GPR89B: variants seen among roughly 807,000 people sequenced by gnomAD.
GPR89B encodes the protein G protein-coupled receptor 89B.
Under a neutral mutation model 52.4 loss-of-function variants are expected in GPR89B, and 25 were observed. That is an observed-to-expected ratio of 0.48 (90% confidence interval 0.35 to 0.67). GPR89B has a LOEUF of 0.67. GPR89B is among the 30% of genes least tolerant of loss of function. The pLI, the probability that GPR89B is intolerant of heterozygous loss-of-function variation, is 0.01. For synonymous variants in GPR89B, 52 were observed against 151.2 expected (o/e 0.34, Z 4.81); for missense variants, 146 against 450.2 (o/e 0.32, Z 6.11).
downstream of GPR89B, among the ~76,000 whole-genome samples, chr1:147,997,994 C>G (rs1184441728): frequency 1.1e-4 from 16 of 152,210 alleles, no homozygotes; most frequent in African/African-American, 3.9e-4. Flanking sequence ...TAATTCATAT[C>G]AACTCCCAGC....
At chr1:148,012,501 T>TC in the GPR89B span, among the ~76,000 whole-genome samples, 33,016 of 108,680 alleles carry the variant, frequency 0.3, 3,515 homozygotes, top group East Asian at 0.48. Flanking sequence ...CCCGCCCCAC[T>TC]CCCCCACCCC....
At chr1:147,936,491 A>G (rs1392695827) in intron 1 of GPR89B, 136 bp from the exon 2 acceptor site, 3 of 684,256 alleles carry the variant, frequency 4.4e-6, no homozygotes, top group African/African-American at 1.8e-5. Flanking sequence ...AGTAGGTCTT[A>G]TAAGAGTGGA....
chr1:147,975,473 C>CT (rs1475852286), intron 10 of GPR89B, among the ~76,000 whole-genome samples: 1 of 151,316 alleles, frequency 6.6e-6, no homozygotes, highest in Admixed American at 6.6e-5. Flanking sequence ...ATAGTATTCT[C>CT]TGATGGTTAT....
chr1:147,935,486 AC>A (rs1553247713), intron 1 of GPR89B, among the ~76,000 whole-genome samples: 1 of 152,222 alleles, frequency 6.6e-6, no homozygotes, highest in African/African-American at 2.4e-5. Flanking sequence ...TTTACTACAG[AC>A]CAGCTTTGTC....
chr1:148,004,354 A>T, the GPR89B span, among the ~76,000 whole-genome samples: 1 of 148,054 alleles, frequency 6.8e-6, no homozygotes, highest in Admixed American at 6.7e-5. Context: ...TTTAGTAGAG[A>T]CGGTGTTTCA....
chr1:147,993,067 A>C lies in GPR89B; in HGVS notation c.*150A>C, dbSNP rs1239703369. 6.3e-7 allele frequency: 1 copy of C among 1,582,194 alleles called. No homozygotes were observed. The highest frequency in any genetic ancestry group is 1.3e-5 in the African/African-American group (1 of 74,122). Reference sequence around the variant, plus strand: ...CTTCATAGCATACTCCTTCCCCCTCAGGTGATACTATGACCATGAGTAGCA... The same window carrying C: ...CTTCATAGCATACTCCTTCCCCCTCCGGTGATACTATGACCATGAGTAGCA... On this transcript the variant is annotated 3_prime_UTR_variant, in exon 14 of 14. Coordinates refer to ENST00000314163, the MANE Select transcript of GPR89B (RefSeq NM_016334.5).
chr1:147,992,372 T>A, intron 12 of GPR89B, 130 bp from the exon 13 acceptor site: 1 of 725,118 alleles, frequency 1.4e-6, no homozygotes, highest in Non-Finnish European at 2.5e-6. Flanking sequence ...GTCTTAATCA[T>A]ATGAATTGTT....
intron 12 of GPR89B, among the ~76,000 whole-genome samples, chr1:147,989,926 G>C (rs1201988306): frequency 6.6e-6 from 1 of 152,170 alleles, no homozygotes; most frequent in Non-Finnish European, 1.5e-5. Flanking sequence ...ATAAACATAC[G>C]TGTGCATGTG....
the GPR89B span, chr1:148,011,804 T>G: frequency 2.6e-5 from 4 of 152,344 alleles, no homozygotes; most frequent in South Asian, 8.3e-4. Flanking sequence ...TAGCCTGATA[T>G]TTATATTTTT....
intron 10 of GPR89B, among the ~76,000 whole-genome samples, chr1:147,973,544 G>C: frequency 6.6e-6 from 1 of 151,984 alleles, no homozygotes. Flanking sequence ...ATTTGTTTAA[G>C]TTCCTTGTAG....
In GPR89B at chr1:147,977,837, A is replaced by G. The variant is rs1183642195; in HGVS notation, c.909+7878A>G. Among the ~76,000 whole-genome samples the G allele has an allele frequency of 1.2e-3, 182 of 149,152 alleles. 3 individuals are homozygous for G. Among genetic ancestry groups the G allele is most frequent in the African/African-American group, 4.5e-3 (180 of 40,130 alleles). On this transcript the variant is annotated intron_variant, in intron 10 of 13. Coordinates refer to ENST00000314163, the MANE Select transcript of GPR89B (RefSeq NM_016334.5). ...ACATTGTGTTTTTCAGCTCCATCAC[A>G]TTGTTTATGTTCCTTTTTAAACGGG...
the GPR89B span, among the ~76,000 whole-genome samples, chr1:148,004,920 CACACAT>C: frequency 2.5e-3 from 313 of 125,426 alleles, 12 homozygotes; most frequent in African/African-American, 8.6e-3. Context: ...CACACACACA[CACACAT>C]AAAAATTAGC....
At chr1:148,008,922 TAAAA>T in the GPR89B span, among the ~76,000 whole-genome samples, 2 of 149,256 alleles carry the variant, frequency 1.3e-5, no homozygotes, top group Admixed American at 6.7e-5. Flanking sequence ...GGCACTCAGA[TAAAA>T]AAAAAAGATA....
At chr1:147,941,229 C>T (rs1654532406) in intron 3 of GPR89B, among the ~76,000 whole-genome samples, 1 of 152,208 alleles carries the variant, frequency 6.6e-6, no homozygotes, top group Non-Finnish European at 1.5e-5. Context: ...ACTTTACTCT[C>T]AGCTCAAAAG....
At chr1:147,989,976 C>A (rs1297743021) in intron 12 of GPR89B, among the ~76,000 whole-genome samples, 1 of 152,182 alleles carries the variant, frequency 6.6e-6, no homozygotes, top group East Asian at 1.9e-4. Flanking sequence ...TGGGTATATA[C>A]CCAGTAATGG....
chr1:147,981,844 G>A (rs1658277359), intron 10 of GPR89B, among the ~76,000 whole-genome samples: 1 of 151,638 alleles, frequency 6.6e-6, no homozygotes, highest in Non-Finnish European at 1.5e-5. Flanking sequence ...GTAGAGACGA[G>A]GTTTGACCAT....
At chr1:147,992,458 A>G (rs1361785767) in intron 12 of GPR89B, 44 bp from the exon 13 acceptor site, 1 of 1,601,352 alleles carries the variant, frequency 6.2e-7, no homozygotes. Context: ...GTGACACAGG[A>G]ATCTAACAGT....
At chr1:147,982,863 T>C (rs1388886229) in intron 10 of GPR89B, among the ~76,000 whole-genome samples, 5,062 of 152,264 alleles carry the variant, frequency 0.033, 111 homozygotes, top group Admixed American at 0.051. Context: ...GTCCTTCGCG[T>C]CCCTTGTAAG....
rs1484707756 is a variant in GPR89B at position 147,928,464 on chromosome 1, G to C, written c.-73G>C. The C allele has an allele frequency of 1.6e-5, 25 of 1,580,456 alleles. No individual in the cohort carries two copies. In the South Asian group the frequency reaches 2.8e-4, roughly 18 times the overall value. ...CTGGGAGAAGGCAGACCGTGTGAGG[G>C]GGCCTGTGGCCCCAGCGTGCTGTGG... is the stretch of plus-strand genomic sequence containing the variant. On this transcript the variant is annotated 5_prime_UTR_variant, in exon 1 of 14. Coordinates refer to ENST00000314163, the MANE Select transcript of GPR89B (RefSeq NM_016334.5).
Sources: gnomAD v4.1 joint callset for allele counts (sites outside exome capture counted in the v4.1 genomes callset) on GRCh38, gnomAD v4.1.1 for gene constraint, MANE v1.5 for transcripts, NCBI Gene and HGNC (gene_info 2026-07-23, HGNC 2026-07-21) for gene names.